SPIDR: variants seen among roughly 807,000 people sequenced by gnomAD.
SPIDR encodes the protein DNA repair-scaffolding protein.
SPIDR carries 93 observed loss-of-function variants against 104.6 expected under a neutral mutation model. The ratio of observed to expected loss-of-function variants is 0.89; its 90% CI spans 0.75 to 1.06. SPIDR has a LOEUF of 1.06. Among genes scored for constraint, SPIDR ranks in the 50% least tolerant of loss-of-function variants. SPIDR has a pLI of 0.00. For missense variants in SPIDR, 1,154 were observed against 1,111.2 expected (o/e 1.04, Z -0.55); for synonymous variants, 431 against 416.9 (o/e 1.03, Z -0.41).
intron 5 of SPIDR, chr8:47,357,793 G>A: frequency 2.2e-6 from 2 of 923,110 alleles, no homozygotes; most frequent in Non-Finnish European, 2.6e-6. Context: ...AATTAGGGAA[G>A]GAAATGGAGA....
At chr8:47,430,134 C>T (rs1383427575) in intron 7 of SPIDR, among the ~76,000 whole-genome samples, 1 of 152,174 alleles carries the variant, frequency 6.6e-6, no homozygotes, top group Non-Finnish European at 1.5e-5. Flanking sequence ...TGGTCTTCTG[C>T]ACACCTTTCA....
intron 10 of SPIDR, among the ~76,000 whole-genome samples, chr8:47,607,153 T>A (rs1563299219): frequency 6.6e-6 from 1 of 152,240 alleles, no homozygotes; most frequent in Non-Finnish European, 1.5e-5. Context: ...GAATTGTTCC[T>A]TTTCAATGAT....
At chr8:47,439,385 A>T (rs572437904) in intron 7 of SPIDR, among the ~76,000 whole-genome samples, 85 of 152,294 alleles carry the variant, frequency 5.6e-4, no homozygotes, top group African/African-American at 2.0e-3. Flanking sequence ...TACTCTGTAT[A>T]TCCTGTTTAT....
At chr8:47,274,382 T>C (rs2081038199) in intron 1 of SPIDR, among the ~76,000 whole-genome samples, 1 of 152,238 alleles carries the variant, frequency 6.6e-6, no homozygotes, top group Non-Finnish European at 1.5e-5. Flanking sequence ...TTAAATTCTA[T>C]GTTCATTACT....
At chr8:47,332,080 T>C (rs1274383148) in intron 5 of SPIDR, among the ~76,000 whole-genome samples, 2 of 85,492 alleles carry the variant, frequency 2.3e-5, no homozygotes, top group African/African-American at 9.2e-5. Context: ...ACATGTGCCA[T>C]GCTGGTGCGC....
At chr8:47,399,081 C>G (rs1002370229) in intron 6 of SPIDR, among the ~76,000 whole-genome samples, 1 of 152,142 alleles carries the variant, frequency 6.6e-6, no homozygotes, top group South Asian at 2.1e-4. Context: ...GAGAGCAGAT[C>G]AAAGTGTGTT....
chr8:47,351,497 G>T (rs965805529), intron 5 of SPIDR, among the ~76,000 whole-genome samples: 1 of 152,174 alleles, frequency 6.6e-6, no homozygotes, highest in Non-Finnish European at 1.5e-5. Context: ...TTGCAGGCTG[G>T]AGTATGGGAC....
intron 11 of SPIDR, among the ~76,000 whole-genome samples, chr8:47,686,327 T>TA (rs1252626586): frequency 6.6e-6 from 1 of 152,204 alleles, no homozygotes; most frequent in African/African-American, 2.4e-5. Context: ...TAATCTCAAA[T>TA]AAAAAATCCA....
intron 10 of SPIDR, among the ~76,000 whole-genome samples, chr8:47,664,742 A>C (rs2931559): frequency 2.6e-5 from 3 of 114,296 alleles, no homozygotes; most frequent in Non-Finnish European, 4.0e-5. Flanking sequence ...CCCCATCTCT[A>C]CAAAAAAAAA....
chr8:47,261,049 G>A (rs932802958), intron 1 of SPIDR, 58 bp downstream of exon 1: 6 of 1,225,136 alleles, frequency 4.9e-6, no homozygotes, highest in Non-Finnish European at 6.1e-6. Context: ...GGGAAGCGGC[G>A]GGCCGGCGCG....
At chr8:47,579,911 G>C (rs2059539584) in intron 8 of SPIDR, among the ~76,000 whole-genome samples, 2 of 152,176 alleles carry the variant, frequency 1.3e-5, no homozygotes, top group African/African-American at 4.8e-5. Flanking sequence ...GAGATGGTCT[G>C]GTATCTTGGA....
At chr8:47,491,259 A>T (rs2078660950) in intron 8 of SPIDR, among the ~76,000 whole-genome samples, 1 of 152,184 alleles carries the variant, frequency 6.6e-6, no homozygotes, top group Non-Finnish European at 1.5e-5. Flanking sequence ...CACTGTCAGA[A>T]TATATATTGA....
chr8:47,350,480 A>T (rs2053273163), intron 5 of SPIDR, among the ~76,000 whole-genome samples: 2 of 151,994 alleles, frequency 1.3e-5, no homozygotes, highest in Non-Finnish European at 2.9e-5. Context: ...TGCCTGGCTA[A>T]CTTTTGTATT....
intron 8 of SPIDR, among the ~76,000 whole-genome samples, chr8:47,464,313 T>TAGATGCC (rs1296156310): frequency 6.6e-6 from 1 of 152,118 alleles, no homozygotes; most frequent in Non-Finnish European, 1.5e-5. Context: ...GGAAAATAAG[T>TAGATGCC]AGATGCCAGA....
chr8:47,549,438 C>A (rs1002269164), intron 8 of SPIDR, among the ~76,000 whole-genome samples: 1 of 152,174 alleles, frequency 6.6e-6, no homozygotes, highest in South Asian at 2.1e-4. Context: ...CCTGTTGTTT[C>A]CTGACTTTTT....
chr8:47,590,964 C>T (rs896593965), intron 8 of SPIDR, among the ~76,000 whole-genome samples: 4 of 152,014 alleles, frequency 2.6e-5, no homozygotes, highest in Admixed American at 6.6e-5. Flanking sequence ...ATAGCACTCC[C>T]ACTATATTTT....
Position 47,511,243 on chromosome 8 carries a change from C to T in SPIDR, c.1097+70701C>T, listed in dbSNP as rs1242350046. 21 of 1,589,758 alleles carry T rather than the reference C, an allele frequency of 1.3e-5. No individual in the cohort carries two copies. In the Admixed American group the frequency reaches 1.5e-4, roughly 11 times the overall value. On this transcript the variant is annotated intron_variant, in intron 8 of 19. Coordinates refer to ENST00000297423, the MANE Select transcript of SPIDR (RefSeq NM_001080394.4). ...CACCAGCCTCCCACCGTCTGCAAGC[C>T]GAATTTGGATGTTTGTGGTAGTCTC...
intron 8 of SPIDR, chr8:47,512,008 CCT>C: frequency 2.6e-6 from 2 of 761,110 alleles, no homozygotes; most frequent in South Asian, 1.4e-5. Context: ...GTCTTCTTCC[CCT>C]CTGTCCTCAT....
chr8:47,456,429 G>A (rs1309771083), intron 8 of SPIDR, among the ~76,000 whole-genome samples: 5 of 152,074 alleles, frequency 3.3e-5, no homozygotes, highest in South Asian at 2.1e-4. Flanking sequence ...ATTTTGTTAC[G>A]ATAGCTCTAG....
Sources: gnomAD v4.1 joint callset for allele counts (sites outside exome capture counted in the v4.1 genomes callset) on GRCh38, gnomAD v4.1.1 for gene constraint, MANE v1.5 for transcripts, NCBI Gene and HGNC (gene_info 2026-07-23, HGNC 2026-07-21) for gene names.